The following DMD variants were observed in gnomAD, a reference collection of about 807,000 sequenced individuals.
The protein encoded by DMD is mutant dystrophin.
A neutral mutation model predicts 330.1 loss-of-function variants in DMD; 63 were observed. That is an observed-to-expected ratio of 0.19 (90% confidence interval 0.16 to 0.24). DMD has a LOEUF of 0.24. DMD is among the 10% of genes least tolerant of loss of function. The probability of loss-of-function intolerance (pLI) is 1.00; values close to 1 mark genes in which losing one functional copy is unlikely to be tolerated. For missense variants in DMD, 3,344 were observed against 2,684.1 expected (o/e 1.25, Z -5.43); for synonymous variants, 1,223 against 959.8 (o/e 1.27, Z -5.07).
intron 61 of DMD, among the ~76,000 whole-genome samples, chrX:31,325,507 G>A (rs1441926658): frequency 1.9e-5 from 2 of 107,394 alleles, no homozygotes; most frequent in East Asian, 2.9e-4. Flanking sequence ...CCAGCTACTC[G>A]GGAGACTGAG....
intron 11 of DMD, among the ~76,000 whole-genome samples, chrX:32,631,562 T>A (rs931996369): frequency 3.6e-5 from 4 of 111,834 alleles, no homozygotes; most frequent in African/African-American, 9.8e-5. Context: ...TGGCTCATGG[T>A]TCTGCAGGTT....
rs879377579 is a variant in DMD at position 31,548,942 on chromosome X, TA to T, written c.8218-41490del. ...ACACACAAACATAACTGATTTTTTT[TA>T]AAAAAAAAACATGTATTACTTTAAA... On this transcript the variant is annotated intron_variant, in intron 55 of 78. Transcript: ENST00000357033. Among the ~76,000 whole-genome samples, 217 of 104,856 alleles carry T rather than the reference TA, an allele frequency of 2.1e-3. 1 individual carries two copies. Among genetic ancestry groups the T allele is most frequent in the African/African-American group, 7.3e-3 (212 of 28,900 alleles). 91.1% of individuals were successfully genotyped at this position (104,856 alleles called of 115,157 possible). A position where few individuals can be genotyped will look rare whatever the true frequency, so the allele number is the denominator to read the frequency against.
intron 2 of DMD, among the ~76,000 whole-genome samples, chrX:32,858,244 C>A (rs974296393): frequency 8.0e-5 from 9 of 112,331 alleles, no homozygotes; most frequent in African/African-American, 2.6e-4. Context: ...TTTTAAATTT[C>A]TTTGAAAGCA....
Position 32,870,958 on chromosome X carries a change from CAAAAAAAA to C in DMD, c.94-21146_94-21139del, listed in dbSNP as rs745583714. Among the ~76,000 whole-genome samples the C allele has an allele frequency of 2.8e-3, 41 of 14,772 alleles. 1 individual carries two copies. The highest frequency in any genetic ancestry group is 4.1e-3 in the Non-Finnish European group (34 of 8,350). 12.8% of individuals were successfully genotyped at this position (14,772 alleles called of 115,157 possible). On this transcript the variant is annotated intron_variant, in intron 2 of 78. Transcript: ENST00000357033. Reference sequence around the variant, plus strand: ...ATAGAACTAAAAGGCTTCTGTACAGCAAAAAAAAAAAAAAAAAAAAAAAAAAAAAACCA... The same window carrying C: ...ATAGAACTAAAAGGCTTCTGTACAGCAAAAAAAAAAAAAAAAAAAAAACCA...
chrX:32,586,988 CA>C (rs996411121), intron 13 of DMD, among the ~76,000 whole-genome samples: 2 of 110,962 alleles, frequency 1.8e-5, no homozygotes, highest in Non-Finnish European at 3.8e-5. Flanking sequence ...TTTAATTCAC[CA>C]AATATAAAAT....
chrX:32,744,629 A>C (rs1410586426), intron 7 of DMD, among the ~76,000 whole-genome samples: 2 of 111,058 alleles, frequency 1.8e-5, no homozygotes, highest in African/African-American at 6.5e-5. Flanking sequence ...ACTTCTGTTC[A>C]CTTGTGTAAG....
At chrX:31,427,446 G>A (rs1386712327) in intron 60 of DMD, among the ~76,000 whole-genome samples, 1 of 111,681 alleles carries the variant, frequency 9.0e-6, no homozygotes, top group Non-Finnish European at 1.9e-5. Context: ...TCTTTGAAGG[G>A]AGCCTGTGTC....
intron 17 of DMD, among the ~76,000 whole-genome samples, chrX:32,528,884 C>G (rs2047176199): frequency 1.2e-5 from 1 of 81,148 alleles, no homozygotes; most frequent in Non-Finnish European, 2.4e-5. Flanking sequence ...TCCTGCCTTT[C>G]TGGACCAAAC....
chrX:31,374,802 C>A (rs896801205), intron 60 of DMD, among the ~76,000 whole-genome samples: 1 of 109,244 alleles, frequency 9.2e-6, no homozygotes, highest in Admixed American at 9.8e-5. Context: ...TGCACATGTA[C>A]CCTAAAACTT....
rs922011571 is a variant in DMD, at chrX:32,117,312, C to A, written c.6438+99604G>T. ...CGGAGATATCTTTCAGCAAGGAGGT[C>A]CCAGTGATATGATTAATAAAAATAT... is the stretch of plus-strand genomic sequence containing the variant. On this transcript the variant is annotated intron_variant, in intron 44 of 78. Transcript: ENST00000357033. Among the ~76,000 whole-genome samples the A allele has an allele frequency of 5.4e-5, 6 of 110,543 alleles. No individual in the cohort carries two copies. The South Asian group carries it at 2.4e-3, about 44-fold the overall frequency.
chrX:31,216,182 C>T (rs764446771), intron 64 of DMD, among the ~76,000 whole-genome samples: 2 of 112,330 alleles, frequency 1.8e-5, no homozygotes, highest in Non-Finnish European at 3.8e-5. Flanking sequence ...GTGCAAGAAG[C>T]GCACTTCAAG....
At chrX:32,387,566 T>C (rs2097968099) in intron 32 of DMD, among the ~76,000 whole-genome samples, 1 of 111,441 alleles carries the variant, frequency 9.0e-6, no homozygotes, top group Non-Finnish European at 1.9e-5. Flanking sequence ...AAGCATTTTG[T>C]AAAGGCTGGA....
At chrX:32,794,853 G>A (rs2076071477) in intron 7 of DMD, among the ~76,000 whole-genome samples, 1 of 111,915 alleles carries the variant, frequency 8.9e-6, no homozygotes, top group African/African-American at 3.3e-5. Flanking sequence ...ACACAATTCA[G>A]TAGCATTTCT....
At chrX:31,940,762 G>A (rs767309990) in intron 45 of DMD, among the ~76,000 whole-genome samples, 17 of 109,478 alleles carry the variant, frequency 1.6e-4, no homozygotes, top group Non-Finnish European at 2.8e-4. Flanking sequence ...TGCAAATATT[G>A]CGGGAAAGAA....
intron 1 of DMD, among the ~76,000 whole-genome samples, chrX:33,021,413 A>G (rs1235978393): frequency 9.0e-6 from 1 of 111,326 alleles, no homozygotes; most frequent in Non-Finnish European, 1.9e-5. Flanking sequence ...GTTAATGTTC[A>G]GTAAATGAAT....
intron 2 of DMD, among the ~76,000 whole-genome samples, chrX:32,938,356 A>G (rs2090161296): frequency 9.0e-6 from 1 of 111,581 alleles, no homozygotes; most frequent in Admixed American, 9.6e-5. Flanking sequence ...TTACTTGCAT[A>G]TTTTCCCTTG....
At chrX:32,157,900 C>A (rs1311070911) in intron 44 of DMD, among the ~76,000 whole-genome samples, 1 of 111,822 alleles carries the variant, frequency 8.9e-6, no homozygotes, top group African/African-American at 3.3e-5. Flanking sequence ...ATTGCTCAGA[C>A]CTGCTGTTCA....
At position 32,701,818 on chromosome X, in the gene DMD, C is replaced by A. The variant is rs371862998; in HGVS notation, c.650-2525G>T. 2.1e-4 allele frequency among the ~76,000 whole-genome samples: 23 copies of A among 111,106 alleles called. No homozygotes were observed. In the South Asian group the frequency reaches 3.4e-3, roughly 16 times the overall value. ...AATTGGCCAAGCATTATTTTTATTG[C>A]CCCCCAAAAAATTTCAAACATTGTA... On this transcript the variant is annotated intron_variant, in intron 7 of 78. Transcript: ENST00000357033.
intron 2 of DMD, among the ~76,000 whole-genome samples, chrX:32,963,667 T>C (rs139200007): frequency 2.2e-4 from 25 of 112,157 alleles, no homozygotes; most frequent in African/African-American, 8.1e-4. Context: ...AATTACTAAG[T>C]AAAGTTTCTG....
Sources: gnomAD v4.1 joint callset for allele counts (sites outside exome capture counted in the v4.1 genomes callset) on GRCh38, gnomAD v4.1.1 for gene constraint, MANE v1.5 for transcripts, NCBI Gene and HGNC (gene_info 2026-07-23, HGNC 2026-07-21) for gene names.